The following DAB1 variants were observed in gnomAD, a reference collection of about 807,000 sequenced individuals.
DAB1 encodes the protein disabled homolog 1.
Under a neutral mutation model 64.6 loss-of-function variants are expected in DAB1, and 15 were observed. The ratio of observed to expected loss-of-function variants is 0.23; its 90% CI spans 0.16 to 0.36. The LOEUF is 0.36. Among genes scored for constraint, DAB1 ranks in the 10% least tolerant of loss-of-function variants. The pLI is 1.00. For synonymous variants in DAB1, 235 were observed against 251.9 expected (o/e 0.93, Z 0.64); for missense variants, 596 against 706.7 (o/e 0.84, Z 1.78).
intron 2 of DAB1, among the ~76,000 whole-genome samples, chr1:57,286,438 C>T (rs2100648570): frequency 6.6e-6 from 1 of 152,222 alleles, no homozygotes; most frequent in East Asian, 1.9e-4. Context: ...CAAAATAGGA[C>T]ATGAAACTGT....
intron 7 of DAB1, among the ~76,000 whole-genome samples, chr1:57,432,347 A>G (rs968957901): frequency 8.6e-5 from 13 of 150,318 alleles, no homozygotes; most frequent in South Asian, 2.1e-4. Context: ...TTTTTTTTCT[A>G]TTTAATTTTG....
chr1:57,295,436 A>G (rs1673115373), intron 1 of DAB1, among the ~76,000 whole-genome samples: 2 of 152,180 alleles, frequency 1.3e-5, no homozygotes, highest in Admixed American at 1.3e-4. Context: ...TTATGATTCG[A>G]TATCTTAGAC....
chr1:57,420,150 G>T (rs1684788503), intron 1 of DAB1, among the ~76,000 whole-genome samples: 1 of 152,148 alleles, frequency 6.6e-6, no homozygotes, highest in African/African-American at 2.4e-5. Context: ...CACCCATTTT[G>T]TTTGCTAGCA....
At chr1:57,813,658 G>A (rs1055551366) in intron 6 of DAB1, among the ~76,000 whole-genome samples, 1 of 152,180 alleles carries the variant, frequency 6.6e-6, no homozygotes. Context: ...TGTAGGAGCT[G>A]TTAGATGAAA....
At chr1:57,348,912 A>G (rs986675263) in intron 1 of DAB1, among the ~76,000 whole-genome samples, 1 of 152,176 alleles carries the variant, frequency 6.6e-6, no homozygotes, top group Admixed American at 6.5e-5. Context: ...AACTCTGCCC[A>G]GACACCATGC....
At chr1:57,098,769 T>C (rs949048240) in intron 4 of DAB1, among the ~76,000 whole-genome samples, 43 of 152,300 alleles carry the variant, frequency 2.8e-4, no homozygotes, top group Non-Finnish European at 4.7e-4. Flanking sequence ...ATTTAAAAAT[T>C]GGGGCAATTC....
chr1:58,439,980 G>C (rs1329601720), intron 3 of DAB1, among the ~76,000 whole-genome samples: 1 of 152,166 alleles, frequency 6.6e-6, no homozygotes, highest in African/African-American at 2.4e-5. Context: ...TGAGATTCCT[G>C]CTTATCTCTA....
At chr1:58,145,107 C>T (rs1654514045) in intron 5 of DAB1, among the ~76,000 whole-genome samples, 2 of 152,318 alleles carry the variant, frequency 1.3e-5, no homozygotes, top group Non-Finnish European at 2.9e-5. Flanking sequence ...TTCAGAAAGG[C>T]TACATTGTAC....
At chr1:57,777,956 C>T (rs1050806778) in intron 6 of DAB1, among the ~76,000 whole-genome samples, 1 of 152,010 alleles carries the variant, frequency 6.6e-6, no homozygotes, top group East Asian at 1.9e-4. Flanking sequence ...CATTTAAAGG[C>T]TTGTTTTTGA....
intron 6 of DAB1, among the ~76,000 whole-genome samples, chr1:57,693,161 G>C (rs902359015): frequency 5.9e-5 from 9 of 152,124 alleles, no homozygotes; most frequent in African/African-American, 1.9e-4. Flanking sequence ...GGCCTAAAGA[G>C]TTCCCCTCCA....
At chr1:57,282,529 G>A (rs749871703) in intron 2 of DAB1, among the ~76,000 whole-genome samples, 3 of 152,174 alleles carry the variant, frequency 2.0e-5, no homozygotes, top group Non-Finnish European at 2.9e-5. Context: ...AGAACAAGGT[G>A]CTGAACTAAG....
intron 2 of DAB1, among the ~76,000 whole-genome samples, chr1:57,278,488 C>T (rs528949419): frequency 3.4e-4 from 52 of 152,232 alleles, no homozygotes; most frequent in Non-Finnish European, 6.5e-4. Context: ...GGTTATAAAG[C>T]GGAATCCTAA....
At chr1:57,240,721 G>C (rs1395160733) in intron 2 of DAB1, among the ~76,000 whole-genome samples, 1 of 152,042 alleles carries the variant, frequency 6.6e-6, no homozygotes, top group African/African-American at 2.4e-5. Context: ...GAGGAGGCTG[G>C]GCTTGAGAAA....
At position 57,937,611 on chromosome 1, in the gene DAB1, G is replaced by C. The variant is rs529556931; in HGVS notation, n.388-53449C>G. Among the ~76,000 whole-genome samples the C allele has an allele frequency of 2.6e-5, 4 of 152,278 alleles. No individual in the cohort carries two copies. The East Asian group carries it at 5.8e-4, about 22-fold the overall frequency. ...AGTCTAGGAACAGAGCCAGTACTAA[G>C]AGACAGAGCTTTTATAAAGCCCCTA... On this transcript the variant is annotated intron_variant and non_coding_transcript_variant, in intron 5 of 20. Coordinates refer to the DAB1 transcript ENST00000485760.
chr1:57,715,531 C>T (rs908109114), intron 6 of DAB1, among the ~76,000 whole-genome samples: 7 of 152,064 alleles, frequency 4.6e-5, no homozygotes, highest in Admixed American at 6.6e-5. Flanking sequence ...ATGATATATA[C>T]GTATCGAAAA....
intron 1 of DAB1, among the ~76,000 whole-genome samples, chr1:57,361,190 T>A (rs891462155): frequency 6.6e-6 from 1 of 152,124 alleles, no homozygotes; most frequent in South Asian, 2.1e-4. Context: ...CAATTACAGA[T>A]GTAATATCAA....
intron 4 of DAB1, among the ~76,000 whole-genome samples, chr1:58,161,934 A>G (rs1655559094): frequency 6.6e-6 from 1 of 152,212 alleles, no homozygotes; most frequent in Non-Finnish European, 1.5e-5. Flanking sequence ...GCTGCAATAT[A>G]AAGAATGGGA....
intron 3 of DAB1, among the ~76,000 whole-genome samples, chr1:58,489,982 A>C: frequency 6.6e-6 from 1 of 152,196 alleles, no homozygotes; most frequent in African/African-American, 2.4e-5. Flanking sequence ...TAAAACCATA[A>C]AGATGGGGAA....
In DAB1 at chr1:57,521,232, G is replaced by A. The variant is rs1644522336; in HGVS notation, n.625+128360C>T. On this transcript the variant is annotated intron_variant and non_coding_transcript_variant, in intron 7 of 20. Transcript: ENST00000485760. ...TTTTTCAGTTCTCGAAATGTCTAAG[G>A]AGGGGATTAACTGGCTCAGCATAAG... 2.0e-5 allele frequency among the ~76,000 whole-genome samples: 3 copies of A among 152,294 alleles called. No individual in the cohort carries two copies. In the South Asian group the frequency reaches 6.2e-4, roughly 32 times the overall value.
Sources: allele counts gnomAD v4.1 joint callset (sites outside exome capture counted in the v4.1 genomes callset), GRCh38; gene constraint gnomAD v4.1.1; transcripts MANE v1.5; gene names NCBI Gene and HGNC (gene_info 2026-07-23, HGNC 2026-07-21).